The following PDIA5 variants were observed in gnomAD, a reference collection of about 807,000 sequenced individuals.
The protein encoded by PDIA5 is protein disulfide isomerase family A member 5.
PDIA5 carries 58 observed loss-of-function variants against 77.6 expected under a neutral mutation model. The observed-to-expected ratio is 0.75, with a 90% CI of 0.61 to 0.93. PDIA5 has a LOEUF of 0.93. Ranked by LOEUF, PDIA5 falls within the 40% of genes least tolerant of loss-of-function variation. The probability of loss-of-function intolerance (pLI) is 0.00; values close to 1 mark genes in which losing one functional copy is unlikely to be tolerated. For synonymous variants in PDIA5, 250 were observed against 252.1 expected (o/e 0.99, Z 0.08); for missense variants, 630 against 647.7 (o/e 0.97, Z 0.30).
At chr3:123,112,542 T>C (rs908532133) in intron 7 of PDIA5, among the ~76,000 whole-genome samples, 2 of 142,042 alleles carry the variant, frequency 1.4e-5, no homozygotes, top group African/African-American at 5.2e-5. Flanking sequence ...TTCTTTTTTT[T>C]TTTTTTTTTT....
intron 6 of PDIA5, among the ~76,000 whole-genome samples, chr3:123,109,365 A>G (rs1452034763): frequency 6.6e-6 from 1 of 152,210 alleles, no homozygotes; most frequent in Non-Finnish European, 1.5e-5. Flanking sequence ...TATAGGCTCA[A>G]TAAAAATCTC....
At position 123,099,664 on chromosome 3, in the gene PDIA5, C is replaced by T. The variant is rs891845707; in HGVS notation, c.258-2747C>T. 3.3e-5 allele frequency among the ~76,000 whole-genome samples: 5 copies of T among 152,342 alleles called. No individual in the cohort carries two copies. In the East Asian group the frequency reaches 9.6e-4, roughly 29 times the overall value. On this transcript the variant is annotated intron_variant, in intron 3 of 16. Coordinates refer to ENST00000316218, the MANE Select transcript of PDIA5 (RefSeq NM_006810.4). ...AACAGGCAGGGGTGCCTCTGTGCCC[C>T]CAGCTCTACCAGCCAACTTAGTTGT...
intron 8 of PDIA5, among the ~76,000 whole-genome samples, chr3:123,120,594 C>T (rs1454646476): frequency 6.6e-6 from 1 of 152,216 alleles, no homozygotes; most frequent in East Asian, 1.9e-4. Flanking sequence ...CATCTCTGTC[C>T]ATAGCTTCAA....
intron 1 of PDIA5, among the ~76,000 whole-genome samples, chr3:123,085,024 C>T (rs1245030358): frequency 6.6e-6 from 1 of 152,198 alleles, no homozygotes; most frequent in Non-Finnish European, 1.5e-5. Context: ...AGCCTGCCCC[C>T]ACTGCCTTCT....
At chr3:123,145,704 G>A in intron 12 of PDIA5, 112 bp downstream of exon 12, 2 of 823,240 alleles carry the variant, frequency 2.4e-6, no homozygotes, top group Non-Finnish European at 4.0e-6. Flanking sequence ...GTCCGTGGAG[G>A]CCAGCAGTAC....
intron 14 of PDIA5, among the ~76,000 whole-genome samples, chr3:123,154,130 A>AGGACAGGAGGAGAAAG (rs1935969723): frequency 6.6e-6 from 1 of 152,176 alleles, no homozygotes; most frequent in Non-Finnish European, 1.5e-5. Context: ...AGTGGCCCCC[A>AGGACAGGAGGAGAAAG]CAGAGGTCCC....
chr3:123,068,714 G>A (rs2107898050), intron 1 of PDIA5, among the ~76,000 whole-genome samples: 1 of 152,294 alleles, frequency 6.6e-6, no homozygotes, highest in South Asian at 2.1e-4. Flanking sequence ...TTGATATTTT[G>A]CCCTCCACTG....
intron 3 of PDIA5, among the ~76,000 whole-genome samples, chr3:123,102,145 GGTGATCTGCCTGCCTTGGCCTCCCAAA>G (rs1934618254): frequency 6.6e-6 from 1 of 152,004 alleles, no homozygotes; most frequent in Admixed American, 6.5e-5. Flanking sequence ...CCTGACCTCA[GGTGATCTGCCTGCCTTGGCCTCCCAAA>G]GTGCTGGGAT....
chr3:123,154,891 C>A (rs1399154283), intron 14 of PDIA5, 80 bp from the exon 15 acceptor site: 5 of 938,700 alleles, frequency 5.3e-6, no homozygotes, highest in Non-Finnish European at 8.8e-6. Context: ...CTCTCTGGAG[C>A]TTTCAGGAAG....
intron 10 of PDIA5, among the ~76,000 whole-genome samples, chr3:123,128,333 T>G (rs549118617): frequency 6.6e-6 from 1 of 152,332 alleles, no homozygotes; most frequent in South Asian, 2.1e-4. Context: ...TTAGCAGTTT[T>G]AGAGTGTATT....
chr3:123,102,651 C>T (rs577918766), intron 4 of PDIA5, 100 bp from the exon 5 acceptor site: 31 of 1,138,988 alleles, frequency 2.7e-5, no homozygotes, highest in East Asian at 7.2e-5. Flanking sequence ...TCCTGAACTC[C>T]GTTCAAAAGC....
chr3:123,118,392 A>G (rs1218590153), intron 8 of PDIA5, among the ~76,000 whole-genome samples: 1 of 152,214 alleles, frequency 6.6e-6, no homozygotes, highest in Admixed American at 6.5e-5. Context: ...AAATCTGCTC[A>G]GCTCAACTTC....
rs1023662014 is a variant in PDIA5, at chr3:123,069,160, G to A, written c.42+1954G>A. ...GTGGTGAGTGATTGCTGGACAGCGCGTTGGGTCTTTGTAAATTTAAATGCT... is the reference window on the plus strand; with the variant it reads ...GTGGTGAGTGATTGCTGGACAGCGCATTGGGTCTTTGTAAATTTAAATGCT... On this transcript the variant is annotated intron_variant, in intron 1 of 16. Coordinates refer to ENST00000316218, the MANE Select transcript of PDIA5 (RefSeq NM_006810.4). Among the ~76,000 whole-genome samples the A allele has an allele frequency of 7.2e-5, 11 of 152,326 alleles. 1 individual carries two copies. Among genetic ancestry groups the A allele is most frequent in the Admixed American group, 5.2e-4 (8 of 15,306 alleles).
chr3:123,089,438 C>T (rs939128949), intron 2 of PDIA5, 144 bp downstream of exon 2: 3 of 720,896 alleles, frequency 4.2e-6, no homozygotes, highest in Non-Finnish European at 7.0e-6. Flanking sequence ...CCTCAGAAGA[C>T]AGAGGCAGAG....
intron 3 of PDIA5, among the ~76,000 whole-genome samples, chr3:123,098,946 C>T (rs1934512967): frequency 6.6e-6 from 1 of 152,232 alleles, no homozygotes; most frequent in Non-Finnish European, 1.5e-5. Context: ...TACTTAATCT[C>T]TCAACTCAGA....
In PDIA5 at chr3:123,142,682, C is replaced by T. The variant is rs532680469; in HGVS notation, c.911-2840C>T. 1.9e-4 allele frequency among the ~76,000 whole-genome samples: 29 copies of T among 152,324 alleles called. 1 individual carries two copies. The South Asian group carries it at 5.4e-3, about 28-fold the overall frequency. ...TGTGGAGAACAAGGCCAGGAACAGC[C>T]AGGCTGTCTTGCCCAGCCCAGGGGC... On this transcript the variant is annotated intron_variant, in intron 11 of 16. Coordinates refer to ENST00000316218, the MANE Select transcript of PDIA5 (RefSeq NM_006810.4).
chr3:123,153,555 G>T (rs1167915725), intron 14 of PDIA5, among the ~76,000 whole-genome samples: 4 of 152,294 alleles, frequency 2.6e-5, no homozygotes, highest in Middle Eastern at 3.4e-3. Flanking sequence ...GCTGTGCTAG[G>T]CACATTGCTA....
At chr3:123,121,937 T>C (rs1462990869) in intron 8 of PDIA5, among the ~76,000 whole-genome samples, 1 of 152,210 alleles carries the variant, frequency 6.6e-6, no homozygotes, top group African/African-American at 2.4e-5. Flanking sequence ...CCAGGCATCC[T>C]GAGTCCATGC....
At chr3:123,104,977 C>T (rs1934692216) in intron 5 of PDIA5, among the ~76,000 whole-genome samples, 2 of 152,176 alleles carry the variant, frequency 1.3e-5, no homozygotes. Context: ...GAATAATCCT[C>T]ACCTGAAAAA....
Sources: allele counts gnomAD v4.1 joint callset (sites outside exome capture counted in the v4.1 genomes callset), GRCh38; gene constraint gnomAD v4.1.1; transcripts MANE v1.5; gene names NCBI Gene and HGNC (gene_info 2026-07-23, HGNC 2026-07-21).